VIT: variants seen among roughly 807,000 people sequenced by gnomAD.
VIT encodes vitrin.
A neutral mutation model predicts 78.0 loss-of-function variants in VIT; 99 were observed. The observed-to-expected ratio is 1.27, with a 90% CI of 1.08 to 1.50. The LOEUF (loss-of-function observed/expected upper bound fraction) is 1.50. Ranked by LOEUF, VIT falls within the 40% of genes most tolerant of loss-of-function variation. VIT has a pLI of 0.00. For synonymous variants in VIT, 374 were observed against 334.3 expected (o/e 1.12, Z -1.29); for missense variants, 1,126 against 875.3 (o/e 1.29, Z -3.61).
intron 2 of VIT, 54 bp from the exon 3 acceptor site, chr2:36,729,372 A>C (rs952942749): frequency 6.7e-7 from 1 of 1,482,866 alleles, no homozygotes; most frequent in African/African-American, 1.4e-5. Flanking sequence ...TCAAAAGAGA[A>C]AGAATTTAAG....
intron 3 of VIT, among the ~76,000 whole-genome samples, chr2:36,730,103 C>G (rs994971930): frequency 6.6e-6 from 1 of 151,936 alleles, no homozygotes; most frequent in Admixed American, 6.6e-5. Context: ...CGAGACCAGC[C>G]TGGCCAACGT....
intron 6 of VIT, among the ~76,000 whole-genome samples, chr2:36,759,866 C>A (rs1668997595): frequency 6.6e-6 from 1 of 152,186 alleles, no homozygotes; most frequent in African/African-American, 2.4e-5. Flanking sequence ...TGTGTTTAAT[C>A]ACCGTAGACC....
intron 8 of VIT, chr2:36,774,509 G>A (rs1247679208): frequency 2.0e-6 from 2 of 985,274 alleles, no homozygotes; most frequent in African/African-American, 1.7e-5. Flanking sequence ...GAAGCCACAG[G>A]ACACTAGGAT....
At chr2:36,711,324 T>G (rs1444782658) in intron 1 of VIT, among the ~76,000 whole-genome samples, 4 of 152,238 alleles carry the variant, frequency 2.6e-5, no homozygotes, top group African/African-American at 9.6e-5. Flanking sequence ...TGATGAGTAA[T>G]TTGCCCCTTA....
chr2:36,714,574 G>C (rs1666008302), intron 1 of VIT, among the ~76,000 whole-genome samples: 1 of 152,200 alleles, frequency 6.6e-6, no homozygotes, highest in Admixed American at 6.5e-5. Context: ...TCTGTCCAGA[G>C]GGGAGGAGTG....
intron 3 of VIT, among the ~76,000 whole-genome samples, chr2:36,734,088 C>G (rs1428112006): frequency 6.6e-6 from 1 of 152,166 alleles, no homozygotes; most frequent in Non-Finnish European, 1.5e-5. Flanking sequence ...TCACCCAGCC[C>G]AGACATCCTG....
At chr2:36,705,264 T>A (rs1010288978) in intron 1 of VIT, among the ~76,000 whole-genome samples, 2 of 152,190 alleles carry the variant, frequency 1.3e-5, no homozygotes, top group African/African-American at 4.8e-5. Context: ...CCCTTTCCAT[T>A]ACACAGGATA....
At chr2:36,719,217 G>T (rs927063993) in intron 2 of VIT, among the ~76,000 whole-genome samples, 1 of 152,144 alleles carries the variant, frequency 6.6e-6, no homozygotes, top group African/African-American at 2.4e-5. Flanking sequence ...GTATGACAGG[G>T]CCACAGCTAA....
At chr2:36,783,480 A>G (rs1196743703) in intron 11 of VIT, 78 bp downstream of exon 11, 3 of 1,400,494 alleles carry the variant, frequency 2.1e-6, no homozygotes, top group Non-Finnish European at 3.0e-6. Flanking sequence ...ACTCACTCCC[A>G]CTCAAACCTG....
intron 1 of VIT, among the ~76,000 whole-genome samples, chr2:36,709,690 T>A: frequency 6.6e-6 from 1 of 152,076 alleles, no homozygotes; most frequent in East Asian, 1.9e-4. Flanking sequence ...GGTAAAGCAG[T>A]CCAGATAGAA....
At chr2:36,813,565 C>T (rs937856583) in intron 15 of VIT, among the ~76,000 whole-genome samples, 1 of 152,158 alleles carries the variant, frequency 6.6e-6, no homozygotes, top group Admixed American at 6.5e-5. Flanking sequence ...TTCTTCATCA[C>T]AATGTTGGAA....
chr2:36,778,710 G>A (rs772957522), intron 9 of VIT, among the ~76,000 whole-genome samples: 3 of 152,144 alleles, frequency 2.0e-5, no homozygotes, highest in Non-Finnish European at 4.4e-5. Context: ...CGACACCCTG[G>A]GCACAGCTGC....
intron 3 of VIT, among the ~76,000 whole-genome samples, chr2:36,735,081 A>C (rs1413530409): frequency 2.0e-5 from 3 of 152,088 alleles, no homozygotes; most frequent in Non-Finnish European, 4.4e-5. Flanking sequence ...GAATTGCTTG[A>C]ACCTGGGAGG....
intron 10 of VIT, 43 bp from the exon 11 acceptor site, chr2:36,783,297 T>C (rs1664882622): frequency 6.2e-7 from 1 of 1,609,076 alleles, no homozygotes; most frequent in East Asian, 2.2e-5. Context: ...GCCAGCTGCT[T>C]CCTTTCCTTG....
chr2:36,721,335 G>T (rs1260643090), intron 2 of VIT, among the ~76,000 whole-genome samples: 1 of 152,132 alleles, frequency 6.6e-6, no homozygotes, highest in Non-Finnish European at 1.5e-5. Context: ...AAGGAAGCTT[G>T]CGTTCACATA....
At chr2:36,745,136 G>A (rs1197752121) in intron 4 of VIT, among the ~76,000 whole-genome samples, 3 of 152,010 alleles carry the variant, frequency 2.0e-5, no homozygotes, top group Admixed American at 1.3e-4. Context: ...CAGGTGTATG[G>A]CTTTATTCCT....
At chr2:36,709,678 T>G (rs371545220) in intron 1 of VIT, among the ~76,000 whole-genome samples, 31 of 151,976 alleles carry the variant, frequency 2.0e-4, no homozygotes, top group African/African-American at 6.3e-4. Flanking sequence ...GTGGTGAGGG[T>G]TGGTAAAGCA....
intron 4 of VIT, among the ~76,000 whole-genome samples, 186 bp downstream of exon 4, chr2:36,743,442 T>C (rs1477843530): frequency 6.6e-6 from 1 of 152,238 alleles, no homozygotes; most frequent in Non-Finnish European, 1.5e-5. Flanking sequence ...GTTGTTTTTT[T>C]CTTCTTTCAT....
At chr2:36,813,921 C>T (rs555289953) in intron 15 of VIT, among the ~76,000 whole-genome samples, 1 of 152,232 alleles carries the variant, frequency 6.6e-6, no homozygotes, top group East Asian at 1.9e-4. Context: ...ACTATAAACT[C>T]CTGAGATAAC....
Sources: gnomAD v4.1 joint callset for allele counts (sites outside exome capture counted in the v4.1 genomes callset) on GRCh38, gnomAD v4.1.1 for gene constraint, MANE v1.5 for transcripts, NCBI Gene and HGNC (gene_info 2026-07-23, HGNC 2026-07-21) for gene names.